FAR2: variants seen among roughly 807,000 people sequenced by gnomAD.
FAR2 encodes the protein fatty acyl-CoA reductase 2.
FAR2 carries 19 observed loss-of-function variants against 56.0 expected under a neutral mutation model. That is an observed-to-expected ratio of 0.34 (90% confidence interval 0.24 to 0.50). FAR2 has a LOEUF of 0.50. Ranked by LOEUF, FAR2 falls within the 20% of genes least tolerant of loss-of-function variation. The pLI is 0.98. For synonymous variants in FAR2, 219 were observed against 218.8 expected, an observed-to-expected ratio of 1.00 and a Z score of -0.01; for missense variants, 508 against 642.2, an observed-to-expected ratio of 0.79 and a Z score of 2.26.
intron 1 of FAR2, among the ~76,000 whole-genome samples, chr12:29,149,763 G>A (rs1249300046): frequency 1.3e-5 from 2 of 152,224 alleles, no homozygotes; most frequent in African/African-American, 4.8e-5. Context: ...TGGGGACCCG[G>A]GAAGAGAGGC....
At position 29,297,182 on chromosome 12, in the gene FAR2, A is replaced by T; in HGVS notation, c.527A>T (p.Lys176Ile). Residue 176 changes from lysine (K) to isoleucine (I), a missense_variant, in exon 4 of 12, where the codon AAA (lysine) becomes ATA (isoleucine). Transcript: ENST00000536681. Reference protein sequence around the residue: ...VIYPCPVEPKKIIDSLEWLDD... With the variant: ...VIYPCPVEPKIIIDSLEWLDD... ...TATCCGTGCCCTGTGGAGCCAAAAA[A>T]AATCATTGATTCCCTTGAGTAAGTT... 6.2e-7 allele frequency: 1 copy of T among 1,611,828 alleles called. No homozygotes were observed. The highest frequency in any genetic ancestry group is 1.1e-5 in the South Asian group (1 of 90,458).
chr12:29,306,830 C>T (rs1949260316), intron 4 of FAR2, among the ~76,000 whole-genome samples: 1 of 152,118 alleles, frequency 6.6e-6, no homozygotes, highest in African/African-American at 2.4e-5. Flanking sequence ...GATTTTGAAG[C>T]TATTTCAGAG....
chr12:29,202,081 AG>A lies in FAR2; in HGVS notation c.-39+52675del, dbSNP rs151248508. On this transcript the variant is annotated intron_variant, in intron 1 of 11. Coordinates refer to ENST00000536681, the MANE Select transcript of FAR2 (RefSeq NM_001271783.2). Reference sequence around the variant, plus strand: ...AAAAAGAGGTAATTAACTTTCAGTCAGCATCTTCAGTGCTCTAAGTGCTTTA... The same window carrying A: ...AAAAAGAGGTAATTAACTTTCAGTCACATCTTCAGTGCTCTAAGTGCTTTA... 8.4e-3 allele frequency among the ~76,000 whole-genome samples: 1,274 copies of A among 152,266 alleles called. 15 individuals carry two copies. The highest frequency in any genetic ancestry group is 0.023 in the African/African-American group (951 of 41,556).
intron 1 of FAR2, among the ~76,000 whole-genome samples, chr12:29,157,561 T>C (rs1045002388): frequency 1.1e-4 from 17 of 152,294 alleles, no homozygotes; most frequent in African/African-American, 3.6e-4. Flanking sequence ...TGGGAAGCTG[T>C]TGGATCAGTA....
chr12:29,189,330 C>T (rs1479997361), intron 1 of FAR2, among the ~76,000 whole-genome samples: 4 of 152,102 alleles, frequency 2.6e-5, no homozygotes, highest in Admixed American at 1.3e-4. Context: ...TCAATTTGTT[C>T]CAGCTTTGGC....
At chr12:29,269,370 A>T (rs983527480) in intron 1 of FAR2, among the ~76,000 whole-genome samples, 5 of 152,140 alleles carry the variant, frequency 3.3e-5, no homozygotes, top group African/African-American at 1.2e-4. Flanking sequence ...GTTTAAGGTT[A>T]TTTCTCTTAT....
intron 2 of FAR2, among the ~76,000 whole-genome samples, chr12:29,285,967 A>T: frequency 6.6e-6 from 1 of 152,084 alleles, no homozygotes. Flanking sequence ...TTACCAAGCC[A>T]TGAGGTTCAA....
intron 1 of FAR2, among the ~76,000 whole-genome samples, chr12:29,263,303 A>G (rs1271004734): frequency 2.0e-5 from 3 of 152,212 alleles, no homozygotes; most frequent in South Asian, 2.1e-4. Flanking sequence ...AAATAGTCCT[A>G]ATAGATATTT....
chr12:29,294,350 A>ATT (rs35909451), intron 3 of FAR2, among the ~76,000 whole-genome samples: 53 of 148,648 alleles, frequency 3.6e-4, no homozygotes, highest in Non-Finnish European at 4.3e-4. Flanking sequence ...GTAATTCTTA[A>ATT]TTTTTTTTTT....
At chr12:29,189,883 G>A (rs750275773) in intron 1 of FAR2, among the ~76,000 whole-genome samples, 6 of 152,106 alleles carry the variant, frequency 3.9e-5, no homozygotes, top group Non-Finnish European at 8.8e-5. Context: ...GAATTAGGAT[G>A]GTAACAAACA....
chr12:29,179,261 GT>G (rs1949969529), intron 1 of FAR2, among the ~76,000 whole-genome samples: 1 of 152,214 alleles, frequency 6.6e-6, no homozygotes, highest in African/African-American at 2.4e-5. Flanking sequence ...TGCATTGTGT[GT>G]GACTCCTGAT....
Position 29,157,106 on chromosome 12 carries a change from T to TTATATATATATATA in FAR2, c.-39+7725_-39+7738dup, listed in dbSNP as rs5797307. The TTATATATATATATA allele has an allele frequency of 1.2e-3, 85 of 73,436 alleles. 1 individual carries two copies. Among genetic ancestry groups the TTATATATATATATA allele is most frequent in the Non-Finnish European group, 1.6e-3 (67 of 40,680 alleles). 4.5% of individuals were successfully genotyped at this position (73,436 alleles called of 1,614,324 possible). A position where few individuals can be genotyped will look rare whatever the true frequency, so the allele number is the denominator to read the frequency against. ...CACCAGTATTAAAGCAAAGAACATT[T>TTATATATATATATA]TATATATATATATATATATATATAT... is the stretch of plus-strand genomic sequence containing the variant. On this transcript the variant is annotated intron_variant, in intron 1 of 11. Transcript: ENST00000536681.
At position 29,270,400 on chromosome 12, in the gene FAR2, C is replaced by G. The variant is rs1384544571; in HGVS notation, c.-38-12C>G. On this transcript the variant is annotated splice_polypyrimidine_tract_variant and intron_variant, in intron 1 of 11. Coordinates refer to ENST00000536681, the MANE Select transcript of FAR2 (RefSeq NM_001271783.2). ...GAAGATGTAATCTTTTGTTATTTCT[C>G]TTCCTTTTCAGGAACCTCTTTCAGG... 6.8e-7 allele frequency: 1 copy of G among 1,465,778 alleles called. No individual in the cohort carries two copies. Among genetic ancestry groups the G allele is most frequent in the Non-Finnish European group, 9.1e-7 (1 of 1,093,512 alleles). The allele number at this position is 1,465,778 out of a possible 1,614,324, so 90.8% of individuals were successfully genotyped here. A position where few individuals can be genotyped will look rare whatever the true frequency, so the allele number is the denominator to read the frequency against.
intron 1 of FAR2, among the ~76,000 whole-genome samples, chr12:29,195,721 A>G (rs1950138344): frequency 6.6e-6 from 1 of 152,158 alleles, no homozygotes; most frequent in Non-Finnish European, 1.5e-5. Context: ...ATTCTCATAT[A>G]TTTAAGGAGT....
intron 2 of FAR2, among the ~76,000 whole-genome samples, chr12:29,287,169 A>C (rs774451709): frequency 6.6e-6 from 1 of 152,208 alleles, no homozygotes; most frequent in South Asian, 2.1e-4. Flanking sequence ...GCTTGGACTA[A>C]TAACTGTTGA....
At chr12:29,257,297 G>A (rs1009218603) in intron 1 of FAR2, among the ~76,000 whole-genome samples, 1 of 152,130 alleles carries the variant, frequency 6.6e-6, no homozygotes, top group Non-Finnish European at 1.5e-5. Context: ...GAACCTTTGT[G>A]TGGACACTCT....
Position 29,321,930 on chromosome 12 carries a change from T to C in FAR2, c.1257+6T>C. The C allele has an allele frequency of 6.2e-7, 1 of 1,609,768 alleles. No homozygotes were observed. The highest frequency in any genetic ancestry group is 1.1e-5 in the South Asian group (1 of 90,354). ...TGAGTCCTGAAGACCAGAGAGTAAGTAGAGCACTGACTTAAGCACCAGGAA... is the reference window on the plus strand; with the variant it reads ...TGAGTCCTGAAGACCAGAGAGTAAGCAGAGCACTGACTTAAGCACCAGGAA... On this transcript the variant is annotated splice_donor_region_variant and intron_variant, in intron 10 of 11. Transcript: ENST00000536681.
chr12:29,316,883 G>A lies in FAR2; in HGVS notation c.998G>A (p.Arg333Lys). ...LATFEKIPFE[R>K]PFRRPNANFT... The stretch of plus-strand genomic sequence containing the variant: ...ACCTTTGAAAAAATCCCATTTGAGA[G>A]ACCTTTCAGGAGGCCAAATGCTAAT... Residue 333 changes from arginine (R) to lysine (K), a missense_variant, in exon 9 of 12, where the codon AGA (arginine) becomes AAA (lysine). Coordinates refer to ENST00000536681, the MANE Select transcript of FAR2 (RefSeq NM_001271783.2). 1 of 1,614,062 alleles carries A rather than the reference G, an allele frequency of 6.2e-7. No individual in the cohort carries two copies. The highest frequency in any genetic ancestry group is 8.5e-7 in the Non-Finnish European group (1 of 1,179,968).
chr12:29,271,138 A>G (rs917281087), intron 2 of FAR2, among the ~76,000 whole-genome samples: 4 of 152,206 alleles, frequency 2.6e-5, no homozygotes, highest in African/African-American at 9.6e-5. Flanking sequence ...AACTTTTGAT[A>G]TTTCTATTAT....
Sources: allele counts gnomAD v4.1 joint callset (sites outside exome capture counted in the v4.1 genomes callset), GRCh38; gene constraint gnomAD v4.1.1; transcripts MANE v1.5; gene names NCBI Gene and HGNC (gene_info 2026-07-23, HGNC 2026-07-21).